The following LRP2BP variants were observed in gnomAD, a reference collection of about 807,000 sequenced individuals.
The protein encoded by LRP2BP is LRP2 binding protein.
In LRP2BP, 38 loss-of-function variants were observed where a neutral mutation model predicts 45.2. The observed-to-expected ratio is 0.84, with a 90% CI of 0.65 to 1.10. The LOEUF is 1.10. LRP2BP is among the 50% of genes least tolerant of loss of function. LRP2BP has a pLI of 0.00. For synonymous variants in LRP2BP, 153 were observed against 153.9 expected, an observed-to-expected ratio of 0.99 and a Z score of 0.04; for missense variants, 385 against 418.9, an observed-to-expected ratio of 0.92 and a Z score of 0.71.
intron 1 of LRP2BP, among the ~76,000 whole-genome samples, chr4:185,385,092 G>C (rs2095467068): frequency 6.6e-6 from 1 of 152,158 alleles, no homozygotes; most frequent in African/African-American, 2.4e-5. Flanking sequence ...AAAGAGTCCA[G>C]TAGCTTTTGA....
intron 8 of LRP2BP, among the ~76,000 whole-genome samples, chr4:185,367,605 G>A (rs942824964): frequency 6.6e-6 from 1 of 152,128 alleles, no homozygotes; most frequent in South Asian, 2.1e-4. Context: ...AACAGCATCT[G>A]TAAAATTTTA....
intron 2 of LRP2BP, chr4:185,377,879 C>G (rs1048071394): frequency 1.4e-5 from 7 of 509,986 alleles, no homozygotes; most frequent in African/African-American, 5.9e-5. Flanking sequence ...CAAGACCTAA[C>G]TATCTGTGAG....
upstream of LRP2BP, chr4:185,396,827 G>C: frequency 7.4e-7 from 1 of 1,347,654 alleles, no homozygotes; most frequent in East Asian, 2.3e-5. Flanking sequence ...ATTCTCCCGT[G>C]CTAGGGCCAG....
rs2095500433 is a variant in LRP2BP, at chr4:185,395,749, T to G, written c.-992A>C. 4 of 985,334 alleles carry G rather than the reference T, an allele frequency of 4.1e-6. No homozygotes were observed. The South Asian group carries it at 1.4e-4, about 35-fold the overall frequency. The allele number at this position is 985,334 out of a possible 1,614,324, so 61.0% of individuals were successfully genotyped here. ...AGTAGAATGAAAAGACCACTTATCT[T>G]TAGAGGACAAGCATGAACTTGTTTT... On this transcript the variant is annotated 5_prime_UTR_variant, in exon 1 of 9. The change abolishes the stop of an existing upstream ORF in the 5' untranslated region. Coordinates refer to ENST00000505916, the MANE Select transcript of LRP2BP (RefSeq NM_001377440.1).
chr4:185,369,558 T>C (rs1435992163), intron 8 of LRP2BP, among the ~76,000 whole-genome samples: 1 of 152,174 alleles, frequency 6.6e-6, no homozygotes, highest in Non-Finnish European at 1.5e-5. Flanking sequence ...CAGAGAACAT[T>C]TAAATGAAAA....
Position 185,365,966 on chromosome 4 carries a change from T to G in LRP2BP, c.*1214A>C, listed in dbSNP as rs1426941364. ...ATACTTTTCTGCCATTCAACAGTTC[T>G]TAGTGACTATCACCTCCATATTAAT... On this transcript the variant is annotated 3_prime_UTR_variant, in exon 9 of 9. Coordinates refer to ENST00000505916, the MANE Select transcript of LRP2BP (RefSeq NM_001377440.1). 1 of 152,208 alleles carries G rather than the reference T, an allele frequency of 6.6e-6. No individual in the cohort carries two copies. Among genetic ancestry groups the G allele is most frequent in the Non-Finnish European group, 1.5e-5 (1 of 68,032 alleles). The allele number at this position is 152,208 out of a possible 1,614,324, so 9.4% of individuals were successfully genotyped here.
Position 185,378,211 on chromosome 4 carries a change from T to C in LRP2BP, c.-21-4A>G, listed in dbSNP as rs749176583. On this transcript the variant is annotated splice_region_variant and splice_polypyrimidine_tract_variant and intron_variant, in intron 1 of 8. Transcript: ENST00000505916. Reference sequence around the variant, plus strand: ...TCCTTTTTCTGCAATGTGTATTCTATAAGCAAGAAGAAAAAATAAGTGGTA... The same window carrying C: ...TCCTTTTTCTGCAATGTGTATTCTACAAGCAAGAAGAAAAAATAAGTGGTA... 1 of 1,606,396 alleles carries C rather than the reference T, an allele frequency of 6.2e-7. No individual in the cohort carries two copies. The highest frequency in any genetic ancestry group is 2.2e-5 in the East Asian group (1 of 44,804).
chr4:185,385,915 G>GGT lies in LRP2BP; in HGVS notation c.-21-7709_-21-7708insAC, dbSNP rs1554020232. ...GACTCTGTCTCGGGGAGGGGGGGGG[G>GGT]GAGATAAAGAAATAACATCATCTTA... On this transcript the variant is annotated intron_variant, in intron 1 of 8. Coordinates refer to ENST00000505916, the MANE Select transcript of LRP2BP (RefSeq NM_001377440.1). Among the ~76,000 whole-genome samples, 980 of 119,642 alleles carry GGT rather than the reference G, an allele frequency of 8.2e-3. 20 individuals carry two copies. The highest frequency in any genetic ancestry group is 0.027 in the African/African-American group (940 of 34,468). 78.5% of individuals were successfully genotyped at this position (119,642 alleles called of 152,430 possible).
At chr4:185,368,795 GTTTT>G (rs34691416) in intron 8 of LRP2BP, among the ~76,000 whole-genome samples, 1 of 133,084 alleles carries the variant, frequency 7.5e-6, no homozygotes, top group Non-Finnish European at 1.6e-5. Context: ...AATCTGTTTT[GTTTT>G]TTTTTTTTTT....
chr4:185,370,321 A>G (rs1003485825), intron 8 of LRP2BP: 8 of 264,600 alleles, frequency 3.0e-5, no homozygotes, highest in Admixed American at 1.4e-4. Context: ...GAACGTATAC[A>G]TTCACACTTG....
intron 1 of LRP2BP, among the ~76,000 whole-genome samples, chr4:185,391,910 TAC>T (rs1307641855): frequency 2.6e-5 from 4 of 152,216 alleles, no homozygotes; most frequent in Non-Finnish European, 4.4e-5. Flanking sequence ...AACCCATGTA[TAC>T]ACACACACCT....
chr4:185,377,057 A>G (rs1463228279), intron 2 of LRP2BP, 39 bp from the exon 3 acceptor site: 1 of 1,367,248 alleles, frequency 7.3e-7, no homozygotes, highest in East Asian at 2.3e-5. Flanking sequence ...CAACCACACA[A>G]TATGAATTTT....
intron 1 of LRP2BP, among the ~76,000 whole-genome samples, chr4:185,380,199 A>G (rs540422095): frequency 4.6e-5 from 7 of 152,032 alleles, no homozygotes; most frequent in Non-Finnish European, 1.0e-4. Flanking sequence ...ATGTTTTGGG[A>G]ATTTTTAGCT....
chr4:185,375,516 G>GTA (rs775935216), intron 4 of LRP2BP, 97 bp downstream of exon 4: 2,621 of 46,536 alleles, frequency 0.056, 111 homozygotes, highest in Middle Eastern at 0.14. Flanking sequence ...ATATATATAT[G>GTA]TATATATATA....
Position 185,388,885 on chromosome 4 carries a change from TA to T in LRP2BP, c.-22+5893del, listed in dbSNP as rs903815458. On this transcript the variant is annotated intron_variant, in intron 1 of 8. Coordinates refer to ENST00000505916, the MANE Select transcript of LRP2BP (RefSeq NM_001377440.1). ...TTACTAATAAAATAATAATAATTAT[TA>T]TTTTTTTTGAGACAGAGTCTTGCTC... Among the ~76,000 whole-genome samples, 8 of 152,036 alleles carry T rather than the reference TA, an allele frequency of 5.3e-5. No homozygotes were observed. In the South Asian group the frequency reaches 8.3e-4, roughly 16 times the overall value.
chr4:185,385,206 T>C (rs2095467502), intron 1 of LRP2BP, among the ~76,000 whole-genome samples: 1 of 152,086 alleles, frequency 6.6e-6, no homozygotes, highest in South Asian at 2.1e-4. Flanking sequence ...GGCCCACACG[T>C]CTATTTGTTC....
chr4:185,386,909 AAAG>A (rs975002057), intron 1 of LRP2BP, among the ~76,000 whole-genome samples: 11 of 152,348 alleles, frequency 7.2e-5, no homozygotes, highest in African/African-American at 2.6e-4. Context: ...ATATAAAAGT[AAAG>A]AAGCAAGGGG....
intron 1 of LRP2BP, among the ~76,000 whole-genome samples, chr4:185,392,723 T>C: frequency 6.6e-6 from 1 of 152,238 alleles, no homozygotes; most frequent in African/African-American, 2.4e-5. Flanking sequence ...AGAAGTATTA[T>C]TGCCATAATA....
chr4:185,385,089 C>A (rs562795436), intron 1 of LRP2BP, among the ~76,000 whole-genome samples: 1 of 152,214 alleles, frequency 6.6e-6, no homozygotes, highest in South Asian at 2.1e-4. Context: ...ATGAAAGAGT[C>A]CAGTAGCTTT....
Sources: gnomAD v4.1 joint callset for allele counts (sites outside exome capture counted in the v4.1 genomes callset) on GRCh38, gnomAD v4.1.1 for gene constraint, MANE v1.5 for transcripts, NCBI Gene and HGNC (gene_info 2026-07-23, HGNC 2026-07-21) for gene names.